The following DOCK3 variants were observed in gnomAD, a reference collection of about 807,000 sequenced individuals.
The protein encoded by DOCK3 is dedicator of cytokinesis 3, also known as dedicator of cytokinesis protein 3.
DOCK3 carries 60 observed loss-of-function variants against 265.6 expected under a neutral mutation model. That is an observed-to-expected ratio of 0.23 (90% confidence interval 0.18 to 0.28). DOCK3 has a LOEUF of 0.28. DOCK3 is among the 10% of genes least tolerant of loss of function. DOCK3 has a pLI of 1.00. For missense variants in DOCK3, 1,981 were observed against 2,594.3 expected (o/e 0.76, Z 5.14); for synonymous variants, 881 against 938.0 (o/e 0.94, Z 1.11).
intron 35 of DOCK3, among the ~76,000 whole-genome samples, chr3:51,337,675 C>G (rs1020221443): frequency 6.6e-6 from 1 of 152,216 alleles, no homozygotes; most frequent in Non-Finnish European, 1.5e-5. Flanking sequence ...TCCAGAGGAG[C>G]TTGGCTTTGA....
chr3:51,008,004 ATGT>A (rs775287803), intron 5 of DOCK3, among the ~76,000 whole-genome samples: 3 of 152,024 alleles, frequency 2.0e-5, no homozygotes, highest in Non-Finnish European at 4.4e-5. Flanking sequence ...TACCAGTATC[ATGT>A]TGTTTTGGTT....
At chr3:50,838,537 T>C (rs2045644252) in intron 2 of DOCK3, among the ~76,000 whole-genome samples, 1 of 152,234 alleles carries the variant, frequency 6.6e-6, no homozygotes, top group African/African-American at 2.4e-5. Flanking sequence ...ACACTCAATC[T>C]GAACATCAAG....
intron 5 of DOCK3, among the ~76,000 whole-genome samples, chr3:51,056,127 T>A (rs2081192415): frequency 6.6e-6 from 1 of 152,260 alleles, no homozygotes. Flanking sequence ...AGCTTTGGTT[T>A]AGATACTGTT....
At chr3:50,798,587 T>A (rs1379079759) in intron 2 of DOCK3, among the ~76,000 whole-genome samples, 7 of 152,134 alleles carry the variant, frequency 4.6e-5, no homozygotes, top group South Asian at 2.1e-4. Context: ...TTTTTTTTTT[T>A]ATTTTGCTTT....
At chr3:50,763,033 G>A (rs981291647) in intron 1 of DOCK3, among the ~76,000 whole-genome samples, 2 of 151,986 alleles carry the variant, frequency 1.3e-5, no homozygotes, top group Admixed American at 6.6e-5. Context: ...GGAAAATATT[G>A]TAAGTTGAAA....
At chr3:51,310,082 C>T in intron 27 of DOCK3, 150 bp from the exon 28 acceptor site, 3 of 674,734 alleles carry the variant, frequency 4.4e-6, no homozygotes, top group South Asian at 3.5e-5. Context: ...TCTCATGTAG[C>T]CCTCTAAGAG....
At chr3:50,773,353 C>G (rs943085971) in intron 1 of DOCK3, among the ~76,000 whole-genome samples, 11 of 151,704 alleles carry the variant, frequency 7.3e-5, no homozygotes, top group African/African-American at 2.7e-4. Flanking sequence ...ATGGGAAGCA[C>G]TTCATGACAT....
intron 38 of DOCK3, among the ~76,000 whole-genome samples, chr3:51,347,912 G>A (rs1296704372): frequency 6.6e-6 from 1 of 152,166 alleles, no homozygotes; most frequent in Non-Finnish European, 1.5e-5. Flanking sequence ...TTGTGAATGG[G>A]AGTTCACTCA....
At chr3:51,323,077 T>G (rs1400374455) in intron 32 of DOCK3, among the ~76,000 whole-genome samples, 1 of 151,648 alleles carries the variant, frequency 6.6e-6, no homozygotes, top group Non-Finnish European at 1.5e-5. Flanking sequence ...GGTAAAGAGA[T>G]CAATGCAACA....
At chr3:50,949,781 A>G (rs888586139) in intron 5 of DOCK3, among the ~76,000 whole-genome samples, 12 of 152,162 alleles carry the variant, frequency 7.9e-5, no homozygotes, top group Non-Finnish European at 1.6e-4. Context: ...CCATACCCAT[A>G]GTTATTTCCC....
At chr3:51,173,668 C>T (rs770294331) in intron 12 of DOCK3, among the ~76,000 whole-genome samples, 6 of 152,118 alleles carry the variant, frequency 3.9e-5, no homozygotes, top group Non-Finnish European at 7.4e-5. Context: ...AAGGTTTCTG[C>T]TGAGAAATCT....
At chr3:51,018,033 A>G (rs529297170) in intron 5 of DOCK3, among the ~76,000 whole-genome samples, 2 of 151,722 alleles carry the variant, frequency 1.3e-5, no homozygotes, top group African/African-American at 4.9e-5. Flanking sequence ...CCTGGATTAC[A>G]GGTGCCTGCC....
intron 5 of DOCK3, among the ~76,000 whole-genome samples, chr3:51,053,078 G>GAGATATATATAT (rs1553745810): frequency 4.6e-5 from 2 of 43,786 alleles, no homozygotes; most frequent in Non-Finnish European, 8.5e-5. Flanking sequence ...AAAAGTCAAA[G>GAGATATATATAT]ATATATATAT....
intron 4 of DOCK3, among the ~76,000 whole-genome samples, chr3:50,902,110 A>G (rs1264920892): frequency 6.6e-6 from 1 of 151,992 alleles, no homozygotes; most frequent in Non-Finnish European, 1.5e-5. Flanking sequence ...AGTTCCTTGT[A>G]GATTCTGTCT....
chr3:50,809,259 G>A (rs2043600236), intron 2 of DOCK3, among the ~76,000 whole-genome samples: 2 of 152,138 alleles, frequency 1.3e-5, no homozygotes, highest in Admixed American at 1.3e-4. Flanking sequence ...AGAAGAGCAG[G>A]CAAAAGGCTT....
At chr3:51,255,449 T>C (rs933848538) in intron 22 of DOCK3, among the ~76,000 whole-genome samples, 7 of 152,236 alleles carry the variant, frequency 4.6e-5, no homozygotes, top group African/African-American at 1.4e-4. Context: ...CTGGATAATA[T>C]CCTAAAGAGT....
intron 9 of DOCK3, among the ~76,000 whole-genome samples, chr3:51,104,571 A>C (rs1229727065): frequency 6.6e-6 from 1 of 152,166 alleles, no homozygotes; most frequent in Non-Finnish European, 1.5e-5. Context: ...AAATGGCTTT[A>C]TATGAAAATG....
At chr3:50,927,323 G>A (rs555044025) in intron 4 of DOCK3, among the ~76,000 whole-genome samples, 2 of 152,144 alleles carry the variant, frequency 1.3e-5, no homozygotes, top group African/African-American at 2.4e-5. Flanking sequence ...CCGAAATACC[G>A]CTAGATAGAA....
At chr3:51,360,740 A>T in intron 47 of DOCK3, 108 bp downstream of exon 47, 6 of 1,429,132 alleles carry the variant, frequency 4.2e-6, no homozygotes, top group Non-Finnish European at 5.6e-6. Context: ...TTACCCATGC[A>T]CACAGCAAAC....
Sources: allele counts gnomAD v4.1 joint callset (sites outside exome capture counted in the v4.1 genomes callset), GRCh38; gene constraint gnomAD v4.1.1; transcripts MANE v1.5; gene names NCBI Gene and HGNC (gene_info 2026-07-23, HGNC 2026-07-21).